The following CIST1 variants were observed in gnomAD, a reference collection of about 807,000 sequenced individuals.
CIST1 encodes the protein uncharacterized LOC729966.
chr19:18,255,299 G>C, the CIST1 span: 2 of 399,354 alleles, frequency 5.0e-6, no homozygotes, highest in Non-Finnish European at 8.8e-6. The surrounding 1 kb of genome is among the most constrained non-coding windows in gnomAD (Gnocchi z 4.6). Flanking sequence ...GCAGCTGGGG[G>C]CACGCCATTC....
At chr19:18,255,196 C>T in the CIST1 span, 2 of 396,648 alleles carry the variant, frequency 5.0e-6, no homozygotes, top group Non-Finnish European at 8.8e-6. This position sits in a 1 kb window ranked among gnomAD's most constrained non-coding sequence, Gnocchi z 4.6. Flanking sequence ...TTTCTGGAAG[C>T]TGAGCCTCTT....
At chr19:18,254,155 CT>C in the CIST1 span, among the ~76,000 whole-genome samples, 9 of 152,310 alleles carry the variant, frequency 5.9e-5, no homozygotes, top group African/African-American at 2.2e-4. Flanking sequence ...GAAACTGAGG[CT>C]CAGAGTAGCA....
chr19:18,253,024 C>T, the CIST1 span, among the ~76,000 whole-genome samples: 1 of 152,178 alleles, frequency 6.6e-6, no homozygotes, highest in East Asian at 1.9e-4. Context: ...CAAATTCATG[C>T]TCCTGGTCTG....
chr19:18,250,322 T>C, the CIST1 span: 1 of 399,094 alleles, frequency 2.5e-6, no homozygotes, highest in East Asian at 3.6e-5. Context: ...CATGGACACC[T>C]CGTCCAGGTT....
the CIST1 span, among the ~76,000 whole-genome samples, chr19:18,251,669 G>T: frequency 3.3e-5 from 4 of 120,370 alleles, no homozygotes; most frequent in Non-Finnish European, 5.3e-5. Flanking sequence ...TCTTGACCTC[G>T]TGATACACGC....
At chr19:18,252,591 C>CCTCT in the CIST1 span, 1 of 354,526 alleles carries the variant, frequency 2.8e-6, no homozygotes, top group Non-Finnish European at 5.0e-6. Flanking sequence ...ATAGCGAGAC[C>CCTCT]CTCTCTCTCT....
At chr19:18,252,179 G>C in the CIST1 span, 104 of 399,208 alleles carry the variant, frequency 2.6e-4, no homozygotes, top group African/African-American at 1.9e-3. Context: ...GGGTGGAATG[G>C]GAAGAGGGGG....
the CIST1 span, chr19:18,252,306 C>G: frequency 5.0e-5 from 20 of 398,890 alleles, no homozygotes; most frequent in African/African-American, 3.5e-4. Context: ...AGGGGTTGCC[C>G]CTGAACTTGA....
the CIST1 span, among the ~76,000 whole-genome samples, chr19:18,253,289 G>A: frequency 2.0e-5 from 3 of 152,272 alleles, no homozygotes; most frequent in African/African-American, 4.8e-5. Context: ...AGGCTGAGGC[G>A]GGAGGATTGC....
the CIST1 span, among the ~76,000 whole-genome samples, chr19:18,251,847 G>A: frequency 3.9e-5 from 6 of 152,072 alleles, no homozygotes; most frequent in Middle Eastern, 3.4e-3. Context: ...GCAAGTATTA[G>A]TTTCTCTCTT....
chr19:18,251,286 T>C, the CIST1 span, among the ~76,000 whole-genome samples: 1 of 150,122 alleles, frequency 6.7e-6, no homozygotes, highest in African/African-American at 2.5e-5. Context: ...CCACCATGCC[T>C]GGCTATTTTT....
chr19:18,251,921 A>C, the CIST1 span: 534 of 394,748 alleles, frequency 1.4e-3, 2 homozygotes, highest in Non-Finnish European at 1.2e-3. Context: ...CATAGCATGA[A>C]GAGCTTTAGA....
chr19:18,252,591 C>CCT, the CIST1 span: 24 of 354,410 alleles, frequency 6.8e-5, no homozygotes, highest in African/African-American at 1.7e-4. Flanking sequence ...ATAGCGAGAC[C>CCT]CTCTCTCTCT....
chr19:18,251,179 G>A, the CIST1 span, among the ~76,000 whole-genome samples: 2 of 151,200 alleles, frequency 1.3e-5, no homozygotes, highest in African/African-American at 4.9e-5. Flanking sequence ...AGGCTGGAGT[G>A]CAGTGGTTCA....
At chr19:18,250,845 C>A in the CIST1 span, among the ~76,000 whole-genome samples, 3,311 of 150,878 alleles carry the variant, frequency 0.022, 129 homozygotes, top group African/African-American at 0.077. Flanking sequence ...GTTATCTCAG[C>A]TTACTGTGAC....
At chr19:18,250,037 G>GATGA in the CIST1 span, 1 of 398,620 alleles carries the variant, frequency 2.5e-6, no homozygotes, top group Non-Finnish European at 4.4e-6. Flanking sequence ...CGAGGCCTTG[G>GATGA]ATGAATGGTA....
the CIST1 span, among the ~76,000 whole-genome samples, chr19:18,253,141 T>TTTAA: frequency 6.6e-6 from 1 of 152,152 alleles, no homozygotes; most frequent in Non-Finnish European, 1.5e-5. Context: ...CAGGCAGTGC[T>TTTAA]GGGCAGCTCC....
At chr19:18,251,913 T>TAG in the CIST1 span, among the ~76,000 whole-genome samples, 22 of 151,518 alleles carry the variant, frequency 1.5e-4, no homozygotes, top group South Asian at 4.4e-3. Context: ...TAAATGCGCA[T>TAG]AGCATGAAGA....
the CIST1 span, chr19:18,255,395 CGCTCCCTGCT>C: frequency 5.0e-5 from 20 of 397,736 alleles, no homozygotes; most frequent in Non-Finnish European, 8.4e-5. The surrounding 1 kb of genome is among the most constrained non-coding windows in gnomAD (Gnocchi z 4.6). Flanking sequence ...CCTGCGTGTG[CGCTCCCTGCT>C]GGCGGAGCGC....
Sources: gnomAD v4.1 joint callset for allele counts (sites outside exome capture counted in the v4.1 genomes callset) on GRCh38, gnomAD v4.1.1 for gene constraint, Gnocchi (gnomAD v3.1) non-coding constraint, MANE v1.5 for transcripts, NCBI Gene and HGNC (gene_info 2026-07-23, HGNC 2026-07-21) for gene names.